The following BORCS5 variants were observed in gnomAD, a reference collection of about 807,000 sequenced individuals.
BORCS5 encodes the protein BLOC-1 related complex subunit 5.
Under a neutral mutation model 22.1 loss-of-function variants are expected in BORCS5, and 17 were observed. The observed-to-expected ratio is 0.77, with a 90% CI of 0.53 to 1.15. BORCS5 has a LOEUF of 1.15. Among genes scored for constraint, BORCS5 ranks in the 50% most tolerant of loss-of-function variants. The pLI is 0.00. For synonymous variants in BORCS5, 117 were observed against 99.8 expected (o/e 1.17, Z -1.03); for missense variants, 247 against 253.2 (o/e 0.98, Z 0.17).
intron 3 of BORCS5, among the ~76,000 whole-genome samples, chr12:12,445,971 C>T (rs896547631): frequency 6.6e-6 from 1 of 152,028 alleles, no homozygotes; most frequent in Admixed American, 6.6e-5. Flanking sequence ...GTTTTGTTTT[C>T]TCACAGTATG....
chr12:12,447,701 G>T (rs1358845385), intron 3 of BORCS5, among the ~76,000 whole-genome samples: 1 of 152,160 alleles, frequency 6.6e-6, no homozygotes, highest in East Asian at 1.9e-4. Flanking sequence ...AGTCAAAAAG[G>T]GGTTGTGTTC....
chr12:12,424,137 T>G (rs1219597563), intron 2 of BORCS5, among the ~76,000 whole-genome samples: 1 of 152,298 alleles, frequency 6.6e-6, no homozygotes, highest in East Asian at 1.9e-4. Context: ...TTCTCTCCCT[T>G]TCTCTTTCTG....
intron 2 of BORCS5, among the ~76,000 whole-genome samples, chr12:12,395,360 C>A (rs1941308733): frequency 6.6e-6 from 1 of 151,552 alleles, no homozygotes; most frequent in Non-Finnish European, 1.5e-5. Flanking sequence ...CCTCCGCTTC[C>A]CAGGTTCAAA....
chr12:12,468,827 T>G lies in BORCS5; in HGVS notation c.*3051T>G, dbSNP rs1013874621. The G allele has an allele frequency of 2.6e-5, 4 of 152,236 alleles. No individual in the cohort carries two copies. Among genetic ancestry groups the G allele is most frequent in the Admixed American group, 2.6e-4 (4 of 15,286 alleles). 9.4% of individuals were successfully genotyped at this position (152,236 alleles called of 1,614,324 possible). A position where few individuals can be genotyped will look rare whatever the true frequency, so the allele number is the denominator to read the frequency against. ...GGTTTCCCTGGTCAAAGTGGAAGGT[T>G]GGTAGAAACTGGCCTTCATGTCTTT... On this transcript the variant is annotated 3_prime_UTR_variant, in exon 4 of 4. Transcript: ENST00000314565.
Position 12,468,883 on chromosome 12 carries a change from C to G in BORCS5, c.*3107C>G, listed in dbSNP as rs1016967711. The G allele has an allele frequency of 7.2e-5, 11 of 152,234 alleles. No individual in the cohort carries two copies. Among genetic ancestry groups the G allele is most frequent in the Admixed American group, 7.2e-4 (11 of 15,298 alleles). The allele number at this position is 152,234 out of a possible 1,614,324, so 9.4% of individuals were successfully genotyped here. On this transcript the variant is annotated 3_prime_UTR_variant, in exon 4 of 4. Transcript: ENST00000314565. ...CCTCAAAGTTTTATTCTTAGTAACG[C>G]TATATATGGTTTTATAGACCACACA...
chr12:12,357,307 C>A lies in BORCS5; in HGVS notation c.-145C>A. On this transcript the variant is annotated 5_prime_UTR_variant, in exon 1 of 4. Transcript: ENST00000314565. ...CCCAGGCCCCTGCGTGGGCTGGACG[C>A]GTCAGCCCCACACATTAGCCTCGCT... 6.8e-7 allele frequency: 1 copy of A among 1,464,668 alleles called. No individual in the cohort carries two copies. The highest frequency in any genetic ancestry group is 2.5e-5 in the Admixed American group (1 of 40,594). The allele number at this position is 1,464,668 out of a possible 1,614,324, so 90.7% of individuals were successfully genotyped here. A position where few individuals can be genotyped will look rare whatever the true frequency, so the allele number is the denominator to read the frequency against.
chr12:12,457,158 A>G (rs916954217), intron 3 of BORCS5, among the ~76,000 whole-genome samples: 3 of 152,138 alleles, frequency 2.0e-5, no homozygotes, highest in Admixed American at 1.3e-4. Context: ...GGAGTTTTAT[A>G]CATTTTATCT....
At chr12:12,406,056 T>C (rs1941588853) in intron 2 of BORCS5, among the ~76,000 whole-genome samples, 1 of 152,204 alleles carries the variant, frequency 6.6e-6, no homozygotes, top group Non-Finnish European at 1.5e-5. Flanking sequence ...GCCACAGGGA[T>C]TGCTTCTACT....
At chr12:12,389,185 T>C (rs917591793) in intron 2 of BORCS5, among the ~76,000 whole-genome samples, 1 of 142,388 alleles carries the variant, frequency 7.0e-6, no homozygotes, top group Non-Finnish European at 1.5e-5. Context: ...TCGCCCAGGC[T>C]GGAGGGCAAT....
intron 3 of BORCS5, among the ~76,000 whole-genome samples, chr12:12,463,087 G>A (rs1289372815): frequency 6.6e-6 from 1 of 152,142 alleles, no homozygotes; most frequent in South Asian, 2.1e-4. Flanking sequence ...AATAGGAAAG[G>A]CAAATAAGGA....
At chr12:12,387,900 G>A (rs1475369598) in intron 2 of BORCS5, among the ~76,000 whole-genome samples, 2 of 151,126 alleles carry the variant, frequency 1.3e-5, no homozygotes, top group African/African-American at 2.4e-5. Context: ...CACCATGAGG[G>A]GCCTCACTCA....
intron 2 of BORCS5, among the ~76,000 whole-genome samples, chr12:12,413,784 C>T (rs568223175): frequency 8.8e-5 from 7 of 79,456 alleles, no homozygotes; most frequent in Admixed American, 3.2e-4. Flanking sequence ...TAGGGGCGGC[C>T]GGGCAGAGGC....
chr12:12,438,369 A>AC lies in BORCS5; in HGVS notation c.360+2584_360+2585insC, dbSNP rs1226144699. Among the ~76,000 whole-genome samples, 16 of 129,428 alleles carry AC rather than the reference A, an allele frequency of 1.2e-4. 1 individual carries two copies. The highest frequency in any genetic ancestry group is 6.1e-4 in the African/African-American group (16 of 26,362). 84.9% of individuals were successfully genotyped at this position (129,428 alleles called of 152,430 possible). A position where few individuals can be genotyped will look rare whatever the true frequency, so the allele number is the denominator to read the frequency against. On this transcript the variant is annotated intron_variant, in intron 3 of 3. Transcript: ENST00000314565. ...GAGCCAGATTTCATCTCAAAAAAAA[A>AC]AAAAAAAAAAACGAAAAACAACAAC... is the stretch of plus-strand genomic sequence containing the variant.
intron 3 of BORCS5, among the ~76,000 whole-genome samples, chr12:12,443,795 C>T (rs1318866334): frequency 1.3e-5 from 2 of 152,162 alleles, no homozygotes; most frequent in Non-Finnish European, 2.9e-5. Flanking sequence ...CTAGACATGC[C>T]CTCAGACAGC....
In BORCS5 at chr12:12,465,632, G is replaced by A. The variant is rs148325972; in HGVS notation, c.447G>A (p.Val149=). 2.2e-5 allele frequency: 35 copies of A among 1,614,132 alleles called. No homozygotes were observed. Among genetic ancestry groups the A allele is most frequent in the Admixed American group, 3.3e-5 (2 of 60,012 alleles). The change falls in exon 4 of 4, where the codon GTG becomes GTA. Residue 149 remains valine (V), a synonymous_variant. Coordinates refer to ENST00000314565, the MANE Select transcript of BORCS5 (RefSeq NM_058169.6). ...AGTATGCCGAGCAGATCCAGAAAGT[G>A]AACGAGATGTCCGCCATCCTCCGCC... ...YAKYAEQIQK[V]NEMSAILRRI...
chr12:12,413,341 A>C (rs1222743538), intron 2 of BORCS5, among the ~76,000 whole-genome samples: 1 of 138,274 alleles, frequency 7.2e-6, no homozygotes, highest in Admixed American at 7.1e-5. Flanking sequence ...CACCGCCCTT[A>C]ATCCATTTAA....
intron 2 of BORCS5, among the ~76,000 whole-genome samples, chr12:12,385,440 T>C (rs1863858973): frequency 1.3e-5 from 2 of 151,372 alleles, no homozygotes; most frequent in South Asian, 2.1e-4. Context: ...CAACATCTGC[T>C]TCAACTGAGG....
chr12:12,384,223 G>C (rs546450434), intron 2 of BORCS5, among the ~76,000 whole-genome samples: 1 of 151,016 alleles, frequency 6.6e-6, no homozygotes, highest in South Asian at 2.1e-4. Context: ...CTCAAGCAAT[G>C]TGCTGACCTT....
intron 2 of BORCS5, among the ~76,000 whole-genome samples, chr12:12,409,191 A>G (rs1941660078): frequency 6.6e-6 from 1 of 151,854 alleles, no homozygotes; most frequent in Non-Finnish European, 1.5e-5. Flanking sequence ...TAGGGATGTC[A>G]GGAATTCTTT....
Sources: allele counts gnomAD v4.1 joint callset (sites outside exome capture counted in the v4.1 genomes callset), GRCh38; gene constraint gnomAD v4.1.1; transcripts MANE v1.5; gene names NCBI Gene and HGNC (gene_info 2026-07-23, HGNC 2026-07-21).